The following PPARGC1A variants were observed in gnomAD, a reference collection of about 807,000 sequenced individuals.
The protein encoded by PPARGC1A is PPARG coactivator 1 alpha, also known as peroxisome proliferator-activated receptor gamma coactivator 1-alpha.
A neutral mutation model predicts 88.7 loss-of-function variants in PPARGC1A; 25 were observed. The observed-to-expected ratio is 0.28, with a 90% confidence interval of 0.21 to 0.39. The LOEUF (loss-of-function observed/expected upper bound fraction) is 0.39, where lower values mean the gene tolerates loss of function less well. Ranked by LOEUF, PPARGC1A falls within the 10% of genes least tolerant of loss-of-function variation. The pLI is 1.00. For synonymous variants in PPARGC1A, 363 were observed against 355.6 expected (o/e 1.02, Z -0.24); for missense variants, 880 against 968.7 (o/e 0.91, Z 1.22).
At chr4:23,822,069 C>G (rs1723101579) in intron 7 of PPARGC1A, among the ~76,000 whole-genome samples, 1 of 152,006 alleles carries the variant, frequency 6.6e-6, no homozygotes, top group Admixed American at 6.6e-5. Context: ...ACAATTTTAT[C>G]AGTAGTTATG....
the PPARGC1A span, among the ~76,000 whole-genome samples, chr4:24,448,976 T>G: frequency 1.3e-5 from 2 of 152,308 alleles, no homozygotes; most frequent in East Asian, 1.9e-4. Flanking sequence ...AAGATTATAG[T>G]TCCCCTTAAC....
At chr4:23,917,879 T>A in the PPARGC1A span, among the ~76,000 whole-genome samples, 2 of 152,212 alleles carry the variant, frequency 1.3e-5, no homozygotes, top group Non-Finnish European at 2.9e-5. Context: ...ATATCGCCAC[T>A]CTTTTTGTAA....
At chr4:23,838,988 A>G (rs1201535806) in intron 2 of PPARGC1A, among the ~76,000 whole-genome samples, 9 of 152,208 alleles carry the variant, frequency 5.9e-5, no homozygotes, top group Admixed American at 5.9e-4. Flanking sequence ...ACCAGGGCTA[A>G]TTCCTGTAAA....
At chr4:23,979,685 C>T in the PPARGC1A span, among the ~76,000 whole-genome samples, 42 of 152,322 alleles carry the variant, frequency 2.8e-4, no homozygotes, top group African/African-American at 9.4e-4. Context: ...GGACAAGAAG[C>T]TGCTGTAAAC....
At chr4:24,161,171 T>G in the PPARGC1A span, among the ~76,000 whole-genome samples, 2 of 152,198 alleles carry the variant, frequency 1.3e-5, no homozygotes, top group Non-Finnish European at 2.9e-5. Flanking sequence ...AATATAGCAT[T>G]GTTAAATGAT....
intron 2 of PPARGC1A, among the ~76,000 whole-genome samples, chr4:23,857,552 A>G (rs183355232): frequency 3.6e-4 from 54 of 151,992 alleles, no homozygotes; most frequent in African/African-American, 1.3e-3. Context: ...AGTTGGGAAC[A>G]AGAACCCCAT....
the PPARGC1A span, among the ~76,000 whole-genome samples, chr4:24,114,454 A>G: frequency 6.6e-6 from 1 of 152,202 alleles, no homozygotes; most frequent in East Asian, 1.9e-4. Context: ...TTTAACTGCT[A>G]TAGCCCAAAG....
chr4:24,351,051 T>C, the PPARGC1A span, among the ~76,000 whole-genome samples: 1 of 151,982 alleles, frequency 6.6e-6, no homozygotes, highest in Non-Finnish European at 1.5e-5. Context: ...GGCAACTTGG[T>C]GAAACCCCGT....
the PPARGC1A span, among the ~76,000 whole-genome samples, chr4:24,234,472 C>T: frequency 6.6e-6 from 1 of 150,970 alleles, no homozygotes; most frequent in Non-Finnish European, 1.5e-5. Context: ...GATACACTGG[C>T]ATTACAGGCT....
At chr4:24,043,150 T>G in the PPARGC1A span, among the ~76,000 whole-genome samples, 2 of 152,136 alleles carry the variant, frequency 1.3e-5, no homozygotes, top group African/African-American at 2.4e-5. Flanking sequence ...GGAGATGACT[T>G]TTGTTTAATC....
chr4:24,387,830 A>AAGAAAGAAAG, the PPARGC1A span, among the ~76,000 whole-genome samples: 2 of 96,544 alleles, frequency 2.1e-5, no homozygotes, highest in Admixed American at 1.2e-4. Context: ...GAAAGAGAGA[A>AAGAAAGAAAG]AGAGAGAAAG....
At chr4:23,881,639 G>GT (rs1180402037) in intron 2 of PPARGC1A, 2 of 152,182 alleles carry the variant, frequency 1.3e-5, no homozygotes, top group Non-Finnish European at 2.9e-5. Flanking sequence ...CCAGTTTCCA[G>GT]TGGTGTCATT....
chr4:24,428,359 C>T, the PPARGC1A span, among the ~76,000 whole-genome samples: 1 of 152,104 alleles, frequency 6.6e-6, no homozygotes, highest in South Asian at 2.1e-4. Flanking sequence ...TCTCTCTTTT[C>T]CCCCTGCCTA....
the PPARGC1A span, among the ~76,000 whole-genome samples, chr4:24,203,022 G>A: frequency 6.6e-6 from 1 of 152,150 alleles, no homozygotes. Context: ...AGAAAGGTTT[G>A]TGGCCCCAAA....
At chr4:24,108,631 G>A in the PPARGC1A span, among the ~76,000 whole-genome samples, 1 of 152,110 alleles carries the variant, frequency 6.6e-6, no homozygotes, top group Non-Finnish European at 1.5e-5. Context: ...TCCTCATTCT[G>A]CAGATGAGGA....
chr4:24,199,318 T>C, the PPARGC1A span, among the ~76,000 whole-genome samples: 2 of 152,172 alleles, frequency 1.3e-5, no homozygotes, highest in Non-Finnish European at 2.9e-5. Flanking sequence ...CTGAACTTGG[T>C]ACATGTCATA....
the PPARGC1A span, among the ~76,000 whole-genome samples, chr4:23,910,222 A>ATAAAT: frequency 3.4e-5 from 3 of 87,858 alleles, no homozygotes; most frequent in Non-Finnish European, 7.0e-5. Context: ...TATAATATAT[A>ATAAAT]ATATATTATA....
chr4:23,956,684 C>A, the PPARGC1A span, among the ~76,000 whole-genome samples: 8 of 152,052 alleles, frequency 5.3e-5, no homozygotes, highest in Non-Finnish European at 1.0e-4. Flanking sequence ...CCTAAGAGTT[C>A]CTTCTCTCTA....
At chr4:24,459,042 C>G in the PPARGC1A span, among the ~76,000 whole-genome samples, 2 of 151,728 alleles carry the variant, frequency 1.3e-5, no homozygotes, top group Admixed American at 6.6e-5. Flanking sequence ...AAATCCAAAA[C>G]AAAAATATAT....
Sources: gnomAD v4.1 joint callset for allele counts (sites outside exome capture counted in the v4.1 genomes callset) on GRCh38, gnomAD v4.1.1 for gene constraint, MANE v1.5 for transcripts, NCBI Gene and HGNC (gene_info 2026-07-23, HGNC 2026-07-21) for gene names.